Variants in MSRB3 observed in about 807,000 individuals in gnomAD.
MSRB3 encodes the protein methionine-R-sulfoxide reductase B3.
A neutral mutation model predicts 21.0 loss-of-function variants in MSRB3; 13 were observed. The observed-to-expected ratio is 0.62, with a 90% CI of 0.40 to 0.98. MSRB3 has a LOEUF of 0.98. Among genes scored for constraint, MSRB3 ranks in the 50% least tolerant of loss-of-function variants. MSRB3 has a pLI of 0.00. For synonymous variants in MSRB3, 87 were observed against 88.6 expected (o/e 0.98, Z 0.10); for missense variants, 199 against 230.3 (o/e 0.86, Z 0.88).
At chr12:65,428,469 A>G (rs1214741403) in intron 5 of MSRB3, among the ~76,000 whole-genome samples, 2 of 152,120 alleles carry the variant, frequency 1.3e-5, no homozygotes, top group Non-Finnish European at 1.5e-5. Flanking sequence ...TTACATCCCT[A>G]TTATTCATTT....
chr12:65,451,126 C>T (rs1157098130), intron 5 of MSRB3, among the ~76,000 whole-genome samples: 3 of 152,152 alleles, frequency 2.0e-5, no homozygotes, highest in Admixed American at 6.5e-5. Context: ...CAGTCTCCAG[C>T]GTGGTTTTTC....
intron 5 of MSRB3, among the ~76,000 whole-genome samples, chr12:65,384,382 T>C (rs1032237622): frequency 1.3e-5 from 2 of 152,206 alleles, no homozygotes; most frequent in African/African-American, 4.8e-5. Flanking sequence ...TTATCTACAT[T>C]TGTTACTAAG....
At chr12:65,404,160 C>G (rs1047762464) in intron 5 of MSRB3, among the ~76,000 whole-genome samples, 2 of 152,224 alleles carry the variant, frequency 1.3e-5, no homozygotes, top group African/African-American at 4.8e-5. Context: ...ACTACAATCT[C>G]AAATTCCTGT....
rs1033862064 is a variant in MSRB3 at position 65,440,303 on chromosome 12, G to T, written c.293-13425G>T. Among the ~76,000 whole-genome samples, 8 of 151,418 alleles carry T rather than the reference G, an allele frequency of 5.3e-5. 1 individual carries two copies. The highest frequency in any genetic ancestry group is 1.9e-4 in the African/African-American group (8 of 41,242). ...CCAGAAACCGCAAAAAAAAGGACAG[G>T]CATATTTGAATAAAATAATCAAAAG... On this transcript the variant is annotated intron_variant, in intron 5 of 6. Transcript: ENST00000308259.
intron 4 of MSRB3, among the ~76,000 whole-genome samples, chr12:65,350,599 A>AT (rs946356492): frequency 1.3e-5 from 2 of 150,786 alleles, no homozygotes; most frequent in African/African-American, 4.9e-5. Flanking sequence ...TAGGCTCAAA[A>AT]TTAAAGGATG....
chr12:65,373,711 G>A (rs1878445978), intron 5 of MSRB3, among the ~76,000 whole-genome samples: 1 of 152,146 alleles, frequency 6.6e-6, no homozygotes, highest in Non-Finnish European at 1.5e-5. Flanking sequence ...AGTGTGCGGA[G>A]TTGAGGAGGG....
intron 1 of MSRB3, among the ~76,000 whole-genome samples, chr12:65,281,023 T>A (rs1052747980): frequency 1.3e-5 from 2 of 152,030 alleles, no homozygotes; most frequent in African/African-American, 4.8e-5. Context: ...ACCCAGGAGT[T>A]CGAGACCGGC....
intron 4 of MSRB3, among the ~76,000 whole-genome samples, chr12:65,366,398 G>A (rs763652913): frequency 6.6e-6 from 1 of 152,186 alleles, no homozygotes; most frequent in African/African-American, 2.4e-5. Context: ...GGTAGAGAAT[G>A]ATGGTGATGC....
chr12:65,336,694 C>T (rs1355291419), intron 4 of MSRB3, among the ~76,000 whole-genome samples: 2 of 152,136 alleles, frequency 1.3e-5, no homozygotes, highest in African/African-American at 4.8e-5. Context: ...AGTTTACAAA[C>T]TTTGAAATTA....
intron 1 of MSRB3, among the ~76,000 whole-genome samples, chr12:65,304,751 T>C (rs773733275): frequency 2.6e-4 from 39 of 152,234 alleles, no homozygotes; most frequent in Non-Finnish European, 5.0e-4. Flanking sequence ...TTTCTGGCAA[T>C]GGCCTTCACT....
chr12:65,412,435 A>C (rs1345085066), intron 5 of MSRB3, among the ~76,000 whole-genome samples: 1 of 152,154 alleles, frequency 6.6e-6, no homozygotes, highest in Non-Finnish European at 1.5e-5. Context: ...GGAACTCAAG[A>C]CCATCATAGT....
Position 65,278,766 on chromosome 12 carries a change from T to C in MSRB3, c.-151T>C, listed in dbSNP as rs1194071024. The C allele has an allele frequency of 6.3e-7, 1 of 1,578,722 alleles. No individual in the cohort carries two copies. Among genetic ancestry groups the C allele is most frequent in the African/African-American group, 1.3e-5 (1 of 74,086 alleles). ...ACACCGGCGGCGGCTGCCTGGCCTT[T>C]CCATGAGCCCGCGGCGGACCCTCCC... is the stretch of plus-strand genomic sequence containing the variant. On this transcript the variant is annotated 5_prime_UTR_variant, in exon 1 of 7. Transcript: ENST00000308259.
rs78469993 is a variant in MSRB3 at position 65,456,814 on chromosome 12, A to G, written c.390+2989A>G. Among the ~76,000 whole-genome samples, 520 of 152,318 alleles carry G rather than the reference A, an allele frequency of 3.4e-3. 6 individuals are homozygous for G. The highest frequency in any genetic ancestry group is 0.012 in the African/African-American group (492 of 41,554). Reference sequence around the variant, plus strand: ...CAGGAGAGAATGAGGTTCCAGCACTAACGAATGGTATGTGTGCCACACCCT... The same window carrying G: ...CAGGAGAGAATGAGGTTCCAGCACTGACGAATGGTATGTGTGCCACACCCT... On this transcript the variant is annotated intron_variant, in intron 6 of 6. Transcript: ENST00000308259.
At chr12:65,293,277 C>G (rs1450401898) in intron 1 of MSRB3, among the ~76,000 whole-genome samples, 2 of 152,198 alleles carry the variant, frequency 1.3e-5, no homozygotes, top group Non-Finnish European at 2.9e-5. Flanking sequence ...TTACACCGCT[C>G]CCATCCATTT....
intron 5 of MSRB3, among the ~76,000 whole-genome samples, chr12:65,425,862 G>A (rs1881573984): frequency 4.6e-5 from 7 of 151,972 alleles, no homozygotes; most frequent in Admixed American, 4.6e-4. Flanking sequence ...TGTAATTTTT[G>A]TTTTAGTTTT....
At chr12:65,370,169 G>T (rs919436028) in intron 5 of MSRB3, among the ~76,000 whole-genome samples, 2 of 152,016 alleles carry the variant, frequency 1.3e-5, no homozygotes, top group Middle Eastern at 3.2e-3. Context: ...AAACATTTTT[G>T]GTTGAAAACG....
At chr12:65,279,179 G>A (rs940353787) in intron 1 of MSRB3, 5 of 838,604 alleles carry the variant, frequency 6.0e-6, no homozygotes, top group Non-Finnish European at 8.0e-6. Context: ...CTCTCGCCCC[G>A]CGCGGGCCCA....
intron 5 of MSRB3, among the ~76,000 whole-genome samples, chr12:65,375,385 C>T (rs548413748): frequency 6.6e-6 from 1 of 152,280 alleles, no homozygotes; most frequent in East Asian, 1.9e-4. Context: ...CATTTAAAAG[C>T]TATGAATTTC....
At chr12:65,462,928 A>G (rs1284619561) in intron 6 of MSRB3, among the ~76,000 whole-genome samples, 1 of 152,220 alleles carries the variant, frequency 6.6e-6, no homozygotes, top group Non-Finnish European at 1.5e-5. Flanking sequence ...CGTGGCTCCT[A>G]AATGATTTCT....
Sources: gnomAD v4.1 joint callset for allele counts (sites outside exome capture counted in the v4.1 genomes callset) on GRCh38, gnomAD v4.1.1 for gene constraint, MANE v1.5 for transcripts, NCBI Gene and HGNC (gene_info 2026-07-23, HGNC 2026-07-21) for gene names.